The following RRAS variants were observed in gnomAD, a reference collection of about 807,000 sequenced individuals.
The protein encoded by RRAS is RAS related, also known as ras-related protein R-Ras.
In RRAS, 18 loss-of-function variants were observed where a neutral mutation model predicts 23.3. The observed-to-expected ratio is 0.77, with a 90% CI of 0.53 to 1.15. The LOEUF (loss-of-function observed/expected upper bound fraction) is 1.15, where lower values mean the gene tolerates loss of function less well. RRAS is among the 50% of genes most tolerant of loss of function. RRAS has a pLI of 0.00. For synonymous variants in RRAS, 133 were observed against 138.3 expected, an observed-to-expected ratio of 0.96 and a Z score of 0.27; for missense variants, 291 against 317.1, an observed-to-expected ratio of 0.92 and a Z score of 0.62.
Position 49,635,373 on chromosome 19 carries a change from C to G in RRAS, c.*203G>C, listed in dbSNP as rs1010336229. On this transcript the variant is annotated 3_prime_UTR_variant, in exon 6 of 6. Transcript: ENST00000246792. ...CCCGGAGCCCCTCACCCCCACCAGG[C>G]TTAGGTGGGGACAGGAGGCGTTGGC... is the stretch of plus-strand genomic sequence containing the variant. 5.1e-6 allele frequency: 2 copies of G among 389,642 alleles called. No homozygotes were observed. The highest frequency in any genetic ancestry group is 4.5e-6 in the Non-Finnish European group (1 of 219,996). The allele number at this position is 389,642 out of a possible 1,614,324, so 24.1% of individuals were successfully genotyped here. A position where few individuals can be genotyped will look rare whatever the true frequency, so the allele number is the denominator to read the frequency against.
chr19:49,636,635 A>G lies in RRAS; in HGVS notation c.437T>C (p.Leu146Pro), dbSNP rs2080997429. The G allele has an allele frequency of 6.2e-7, 1 of 1,613,912 alleles. No homozygotes were observed. ...PVVLVGNKAD[L>P]ESQRQVPRSE... ...GTCCCGAACCTGGCGCTGTGACTCC[A>G]GATCTGCCTTGTTCCCGACCAACAC... Residue 146 changes from leucine (L) to proline (P), a missense_variant, in exon 4 of 6, where the codon CTG becomes CCG. Leu to Pro is a moderately conservative substitution (Grantham distance 98, BLOSUM62 -3). Transcript: ENST00000246792. This position sits in a 1 kb window ranked among gnomAD's most constrained non-coding sequence, Gnocchi z 4.5.
In RRAS at chr19:49,637,109, C is replaced by A; in HGVS notation, c.175G>T (p.Asp59Tyr). 1 of 1,613,102 alleles carries A rather than the reference C, an allele frequency of 6.2e-7. No homozygotes were observed. The highest frequency in any genetic ancestry group is 8.5e-7 in the Non-Finnish European group (1 of 1,179,822). Residue 59 changes from aspartate (D) to tyrosine (Y), a missense_variant, in exon 2 of 6, where the codon GAC becomes TAC. Physicochemically the swap from Asp to Tyr is radical, Grantham distance 160. Coordinates refer to ENST00000246792, the MANE Select transcript of RRAS (RefSeq NM_006270.5). ...GTGTAGGAGTCCTCAATAGTGGGGT[C>A]GTAGTCAGACACGAAGTAGGACTGG... Reference protein sequence around the residue: ...FIQSYFVSDYDPTIEDSYTKI... With the variant: ...FIQSYFVSDYYPTIEDSYTKI...
Position 49,637,133 on chromosome 19 carries a change from G to A in RRAS, c.154-3C>T. 1 of 1,609,204 alleles carries A rather than the reference G, an allele frequency of 6.2e-7. No homozygotes were observed. The highest frequency in any genetic ancestry group is 8.5e-7 in the Non-Finnish European group (1 of 1,177,900). ...TCGTAGTCAGACACGAAGTAGGACT[G>A]GCGGGGTGGGGAGAGGATAGTTACT... is the stretch of plus-strand genomic sequence containing the variant. On this transcript the variant is annotated splice_polypyrimidine_tract_variant and splice_region_variant and intron_variant, in intron 1 of 5. Transcript: ENST00000246792.
At position 49,636,965 on chromosome 19, in the gene RRAS, C is replaced by T. The variant is rs377463493; in HGVS notation, c.242-39G>A. The T allele has an allele frequency of 1.9e-6, 3 of 1,607,532 alleles. No individual in the cohort carries two copies. Among genetic ancestry groups the T allele is most frequent in the Non-Finnish European group, 2.6e-6 (3 of 1,175,090 alleles). On this transcript the variant is annotated intron_variant, in intron 2 of 5. Coordinates refer to ENST00000246792, the MANE Select transcript of RRAS (RefSeq NM_006270.5). The surrounding 1 kb of genome is among the most constrained non-coding windows in gnomAD (Gnocchi z 4.5). ...GAGAGGGGCCATCGTGGGGACCAGG[C>T]TCCCCGCAGTCACCCCCAAGAGCCC...
Position 49,635,491 on chromosome 19 carries a change from C to T in RRAS, c.*85G>A, listed in dbSNP as rs559894273. Reference sequence around the variant, plus strand: ...GGAGACCCAGATGAGGAAATTGAGGCTCAGTGAGGGCCTCAGGTCACACAG... The same window carrying T: ...GGAGACCCAGATGAGGAAATTGAGGTTCAGTGAGGGCCTCAGGTCACACAG... On this transcript the variant is annotated 3_prime_UTR_variant, in exon 6 of 6. Transcript: ENST00000246792. The T allele has an allele frequency of 3.7e-6, 3 of 810,284 alleles. No homozygotes were observed. The highest frequency in any genetic ancestry group is 2.9e-5 in the Admixed American group (1 of 34,262). 50.2% of individuals were successfully genotyped at this position (810,284 alleles called of 1,614,324 possible). A position where few individuals can be genotyped will look rare whatever the true frequency, so the allele number is the denominator to read the frequency against.
intron 5 of RRAS, 25 bp from the exon 6 acceptor site, chr19:49,635,685 G>A (rs1405605184): frequency 2.0e-6 from 3 of 1,502,594 alleles, no homozygotes; most frequent in Non-Finnish European, 2.7e-6. Context: ...CAGTGAGTTT[G>A]GAGTGGAAGG....
At chr19:49,635,711 G>C in intron 5 of RRAS, 23 bp downstream of exon 5, 1 of 1,548,862 alleles carries the variant, frequency 6.5e-7, no homozygotes, top group Non-Finnish European at 8.8e-7. Context: ...GGACAAGGAC[G>C]ACAGGAAGGG....
In RRAS at chr19:49,640,077, C is replaced by G; in HGVS notation, c.22G>C (p.Gly8Arg). ...CCCCGGGGCCGCCCCCGCCCTGTCC[C>G]GGACGCCGCCCCGCTGCTCATGTCG... MSSGAAS[G>R]TGRGRPRGGG... is the part of the protein sequence containing the mutation. The change falls in exon 1 of 6, where the codon GGG becomes CGG. Residue 8 changes from glycine (G) to arginine (R), a missense_variant. Coordinates refer to ENST00000246792, the MANE Select transcript of RRAS (RefSeq NM_006270.5). 2 of 1,411,574 alleles carry G rather than the reference C, an allele frequency of 1.4e-6. No individual in the cohort carries two copies. The highest frequency in any genetic ancestry group is 1.8e-6 in the Non-Finnish European group (2 of 1,096,438). The allele number at this position is 1,411,574 out of a possible 1,614,324, so 87.4% of individuals were successfully genotyped here. A position where few individuals can be genotyped will look rare whatever the true frequency, so the allele number is the denominator to read the frequency against.
rs947291950 is a variant in RRAS at position 49,640,122 on chromosome 19, C to G, written c.-24G>C. On this transcript the variant is annotated 5_prime_UTR_variant, in exon 1 of 6. Transcript: ENST00000246792. ...ATGTCGCCACCGCTGCTGCTGCCTT[C>G]GCTACCGCCTGCGGGGGAGCCGGGC... The G allele has an allele frequency of 4.4e-6, 6 of 1,364,050 alleles. No individual in the cohort carries two copies. Among genetic ancestry groups the G allele is most frequent in the Admixed American group, 3.9e-5 (1 of 25,356 alleles). 84.5% of individuals were successfully genotyped at this position (1,364,050 alleles called of 1,614,324 possible). A position where few individuals can be genotyped will look rare whatever the true frequency, so the allele number is the denominator to read the frequency against.
intron 1 of RRAS, among the ~76,000 whole-genome samples, 177 bp from the exon 2 acceptor site, chr19:49,637,307 T>TACTCTCTCTCTCTGGGTCTC (rs2081001767): frequency 7.0e-6 from 1 of 143,852 alleles, no homozygotes; most frequent in Non-Finnish European, 1.5e-5. Flanking sequence ...GAGTCTTTTT[T>TACTCTCTCTCTCTGGGTCTC]TTTTTTTTTT....
At chr19:49,639,602 T>C (rs2081012897) in intron 1 of RRAS, among the ~76,000 whole-genome samples, 1 of 150,504 alleles carries the variant, frequency 6.6e-6, no homozygotes, top group South Asian at 2.1e-4. Context: ...ACCAAGGGCG[T>C]GGTGGGGGTC....
At position 49,637,093 on chromosome 19, in the gene RRAS, T is replaced by C. The variant is rs771907321; in HGVS notation, c.191A>G (p.Asp64Gly). Residue 64 changes from aspartate (D) to glycine (G), a missense_variant, in exon 2 of 6, where the codon GAC (aspartate) becomes GGC (glycine). Physicochemically the swap from Asp to Gly is moderately conservative, Grantham distance 94 (BLOSUM62 -1). Transcript: ENST00000246792. ...FVSDYDPTIE[D>G]SYTKICSVDG... is the part of the protein sequence containing the mutation. The stretch of plus-strand genomic sequence containing the variant: ...CACACTGCAGATCTTCGTGTAGGAG[T>C]CCTCAATAGTGGGGTCGTAGTCAGA... The C allele has an allele frequency of 1.2e-6, 2 of 1,613,270 alleles. No individual in the cohort carries two copies. Among genetic ancestry groups the C allele is most frequent in the Non-Finnish European group, 1.7e-6 (2 of 1,179,934 alleles).
chr19:49,637,928 AAGG>A (rs1295516441), intron 1 of RRAS, among the ~76,000 whole-genome samples: 3 of 152,142 alleles, frequency 2.0e-5, no homozygotes, highest in Admixed American at 1.3e-4. Flanking sequence ...TCATTTGAAA[AAGG>A]AGGCTAAGAA....
rs773258112 is a variant in RRAS at position 49,636,678 on chromosome 19, G to A, written c.394C>T (p.Arg132Cys). 9.9e-6 allele frequency: 16 copies of A among 1,613,960 alleles called. No homozygotes were observed. The highest frequency in any genetic ancestry group is 3.3e-5 in the Admixed American group (2 of 60,008). ...ACCAACACAACGGGGAAGTCGTCGC[G>A]GTCCTTGACCCGCAGAATCTGCGTG... is the stretch of plus-strand genomic sequence containing the variant. ...LFTQILRVKDRDDFPVVLVGN... is the reference protein window; with the variant it reads ...LFTQILRVKDCDDFPVVLVGN... The change falls in exon 4 of 6, where the codon CGC (arginine) becomes TGC (cysteine). Residue 132 changes from arginine (R) to cysteine (C), a missense_variant. Transcript: ENST00000246792. The surrounding 1 kb of genome is among the most constrained non-coding windows in gnomAD (Gnocchi z 4.5).
In RRAS at chr19:49,640,131, C is replaced by T. The variant is rs1304113953; in HGVS notation, c.-33G>A. ...CCGCTGCTGCTGCCTTCGCTACCGC[C>T]TGCGGGGGAGCCGGGCGGGACCCGG... is the stretch of plus-strand genomic sequence containing the variant. On this transcript the variant is annotated 5_prime_UTR_variant, in exon 1 of 6. Coordinates refer to ENST00000246792, the MANE Select transcript of RRAS (RefSeq NM_006270.5). The T allele has an allele frequency of 1.5e-6, 2 of 1,361,076 alleles. No individual in the cohort carries two copies. The highest frequency in any genetic ancestry group is 6.1e-5 in the East Asian group (2 of 32,642). The allele number at this position is 1,361,076 out of a possible 1,614,324, so 84.3% of individuals were successfully genotyped here.
Position 49,636,870 on chromosome 19 carries a change from C to T in RRAS, c.298G>A (p.Ala100Thr). 6.2e-7 allele frequency: 1 copy of T among 1,613,474 alleles called. No individual in the cohort carries two copies. Residue 100 changes from alanine (A) to threonine (T), a missense_variant, in exon 3 of 6, where the codon GCT (alanine) becomes ACT (threonine). Physicochemically the swap from Ala to Thr is moderately conservative, Grantham distance 58 (BLOSUM62 0). Coordinates refer to ENST00000246792, the MANE Select transcript of RRAS (RefSeq NM_006270.5). This position sits in a 1 kb window ranked among gnomAD's most constrained non-coding sequence, Gnocchi z 4.5. ...AACACCAGCAGGAAGCCGTGGCCAG[C>T]ACGCATGTACTGCTCTCTCATGGCC... ...FGAMREQYMRAGHGFLLVFAI... is the reference protein window; with the variant it reads ...FGAMREQYMRTGHGFLLVFAI...
rs2080995401 is a variant in RRAS, at chr19:49,636,181, C to T, written c.454-329G>A. Among the ~76,000 whole-genome samples, 1 of 151,884 alleles carries T rather than the reference C, an allele frequency of 6.6e-6. No homozygotes were observed. The highest frequency in any genetic ancestry group is 1.5e-5 in the Non-Finnish European group (1 of 68,004). ...AGAGCCTTTGCCAGATGGATGAGTT[C>T]TGTGTGGAAATCGTTGTGGGGGAAG... On this transcript the variant is annotated intron_variant, in intron 4 of 5. Transcript: ENST00000246792. This position sits in a 1 kb window ranked among gnomAD's most constrained non-coding sequence, Gnocchi z 4.5.
intron 1 of RRAS, among the ~76,000 whole-genome samples, chr19:49,638,629 A>AG (rs1299748218): frequency 6.6e-6 from 1 of 152,010 alleles, no homozygotes; most frequent in East Asian, 1.9e-4. Context: ...GGGGGTAGTT[A>AG]GGGGCGTGAC....
rs1171256580 is a variant in RRAS at position 49,636,937 on chromosome 19, A to G, written c.242-11T>C. 1 of 1,612,530 alleles carries G rather than the reference A, an allele frequency of 6.2e-7. No homozygotes were observed. The highest frequency in any genetic ancestry group is 8.5e-7 in the Non-Finnish European group (1 of 1,179,418). ...CCGCGGTGTCCAGGACTGCAGAGAC[A>G]GGGAGAGGGGCCATCGTGGGGACCA... is the stretch of plus-strand genomic sequence containing the variant. On this transcript the variant is annotated splice_polypyrimidine_tract_variant and intron_variant, in intron 2 of 5. Coordinates refer to ENST00000246792, the MANE Select transcript of RRAS (RefSeq NM_006270.5). This position sits in a 1 kb window ranked among gnomAD's most constrained non-coding sequence, Gnocchi z 4.5.
Sources: allele counts gnomAD v4.1 joint callset (sites outside exome capture counted in the v4.1 genomes callset), GRCh38; gene constraint gnomAD v4.1.1; non-coding constraint Gnocchi (gnomAD v3.1); transcripts MANE v1.5; gene names NCBI Gene and HGNC (gene_info 2026-07-23, HGNC 2026-07-21).